The following STOX2 variants were observed in gnomAD, a reference collection of about 807,000 sequenced individuals.
STOX2 encodes the protein storkhead-box protein 2.
In STOX2, 28 loss-of-function variants were observed where a neutral mutation model predicts 60.9. The observed-to-expected ratio is 0.46, with a 90% confidence interval of 0.34 to 0.63. The LOEUF is 0.63. STOX2 is among the 30% of genes least tolerant of loss of function. STOX2 has a pLI of 0.01. For missense variants in STOX2, 1,024 were observed against 1,187.7 expected (o/e 0.86, Z 2.03); for synonymous variants, 472 against 463.9 (o/e 1.02, Z -0.22).
At chr4:183,873,908 C>G (rs994650667) in intron 1 of STOX2, among the ~76,000 whole-genome samples, 4 of 152,140 alleles carry the variant, frequency 2.6e-5, no homozygotes, top group Non-Finnish European at 5.9e-5. Flanking sequence ...GACTCTGAAA[C>G]GACACCTCCA....
chr4:183,941,641 G>T lies in STOX2; in HGVS notation c.166+34685G>T, dbSNP rs185901622. Among the ~76,000 whole-genome samples the T allele has an allele frequency of 5.1e-4, 78 of 152,250 alleles. 1 individual carries two copies. The East Asian group carries it at 0.015, about 29-fold the overall frequency. ...TGTATACCTAATAAGTATACTGGGGGTATGGCGATAGACAACATGGATACC... is the reference window on the plus strand; with the variant it reads ...TGTATACCTAATAAGTATACTGGGGTTATGGCGATAGACAACATGGATACC... On this transcript the variant is annotated intron_variant, in intron 1 of 3. Coordinates refer to ENST00000308497, the MANE Select transcript of STOX2 (RefSeq NM_020225.3).
rs1383807811 is a variant in STOX2 at position 184,011,574 on chromosome 4, A to T, written c.2585+151A>T. The T allele has an allele frequency of 1.3e-6, 2 of 1,542,418 alleles. No individual in the cohort carries two copies. The highest frequency in any genetic ancestry group is 3.9e-5 in the Admixed American group (2 of 50,986). ...TTGTATTGTTAACAATCTGTTTCTG[A>T]CTTCTTTTTCAGGAATTGAAAAAAA... On this transcript the variant is annotated intron_variant, in intron 3 of 3. Coordinates refer to ENST00000308497, the MANE Select transcript of STOX2 (RefSeq NM_020225.3). The surrounding 1 kb of genome is among the most constrained non-coding windows in gnomAD (Gnocchi z 4.4).
chr4:183,803,330 C>T (rs1438848153), intron 1 of STOX2, among the ~76,000 whole-genome samples: 1 of 152,044 alleles, frequency 6.6e-6, no homozygotes, highest in Non-Finnish European at 1.5e-5. Context: ...CCTGTCTCAG[C>T]CTCCTAAAGT....
chr4:183,827,214 T>C (rs1013646948), intron 1 of STOX2, among the ~76,000 whole-genome samples: 3 of 152,212 alleles, frequency 2.0e-5, no homozygotes, highest in Admixed American at 6.5e-5. Context: ...AGAAATGGAA[T>C]AGCATGGGTG....
chr4:183,847,582 C>G (rs1205392055), intron 1 of STOX2, among the ~76,000 whole-genome samples: 1 of 152,186 alleles, frequency 6.6e-6, no homozygotes, highest in Non-Finnish European at 1.5e-5. Flanking sequence ...GCTCTCCTTC[C>G]AGCACTAGGA....
chr4:184,005,042 C>T (rs551202547), intron 2 of STOX2, among the ~76,000 whole-genome samples: 3 of 152,324 alleles, frequency 2.0e-5, no homozygotes, highest in Admixed American at 6.5e-5. Context: ...CTTCAGCCAG[C>T]GTTCTTCACA....
chr4:183,946,113 G>A (rs146282005), intron 1 of STOX2, among the ~76,000 whole-genome samples: 2 of 152,288 alleles, frequency 1.3e-5, no homozygotes, highest in East Asian at 3.9e-4. Flanking sequence ...ATAAATACGA[G>A]ACGTCGGCTG....
intron 1 of STOX2, among the ~76,000 whole-genome samples, chr4:183,926,513 T>C (rs1328547771): frequency 6.6e-6 from 1 of 152,248 alleles, no homozygotes; most frequent in Non-Finnish European, 1.5e-5. Flanking sequence ...TGAACATTAC[T>C]AGCTAATTAA....
intron 1 of STOX2, among the ~76,000 whole-genome samples, chr4:183,943,433 A>T (rs1489050079): frequency 6.6e-6 from 1 of 152,204 alleles, no homozygotes; most frequent in East Asian, 1.9e-4. Flanking sequence ...AGAAACAAAA[A>T]TGAGTTAATT....
intron 1 of STOX2, among the ~76,000 whole-genome samples, chr4:183,983,060 A>T (rs1012234429): frequency 2.4e-4 from 36 of 152,148 alleles, no homozygotes; most frequent in Admixed American, 2.4e-3. Context: ...CCTCCAACCC[A>T]GCCATGCTGA....
chr4:183,872,244 C>T (rs746663102), intron 1 of STOX2, among the ~76,000 whole-genome samples: 7 of 152,034 alleles, frequency 4.6e-5, no homozygotes, highest in Non-Finnish European at 7.4e-5. Flanking sequence ...TTAGTAGAGA[C>T]GGGGTTTCAC....
chr4:183,849,083 C>G (rs751273785), intron 1 of STOX2, among the ~76,000 whole-genome samples: 5 of 152,156 alleles, frequency 3.3e-5, no homozygotes, highest in Non-Finnish European at 7.3e-5. Flanking sequence ...AAGCATCAAA[C>G]TAGAGATGGG....
At chr4:183,866,530 G>C (rs550305001) in intron 1 of STOX2, among the ~76,000 whole-genome samples, 1 of 152,076 alleles carries the variant, frequency 6.6e-6, no homozygotes, top group Non-Finnish European at 1.5e-5. Flanking sequence ...GGATGGTGGA[G>C]GGGGAGGGGC....
In STOX2 at chr4:184,001,444, G is replaced by A. The variant is rs1399966167; in HGVS notation, c.286G>A (p.Ala96Thr). 12 of 1,613,728 alleles carry A rather than the reference G, an allele frequency of 7.4e-6. No individual in the cohort carries two copies. The highest frequency in any genetic ancestry group is 1.3e-5 in the African/African-American group (1 of 74,868). ...NSARKPVTQEALMEHLTTCFP... is the reference protein window; with the variant it reads ...NSARKPVTQETLMEHLTTCFP... ...GGCAAGAAAGCCTGTCACCCAAGAA[G>A]CACTGATGGAGCACCTGACCACGTG... The change falls in exon 2 of 4, where the codon GCA becomes ACA. Residue 96 changes from alanine (A) to threonine (T), a missense_variant. Physicochemically the swap from Ala to Thr is moderately conservative, Grantham distance 58. Coordinates refer to ENST00000308497, the MANE Select transcript of STOX2 (RefSeq NM_020225.3). The surrounding 1 kb of genome is among the most constrained non-coding windows in gnomAD (Gnocchi z 4.2).
chr4:183,817,478 T>C (rs973999270), intron 1 of STOX2, among the ~76,000 whole-genome samples: 2 of 152,208 alleles, frequency 1.3e-5, no homozygotes, highest in African/African-American at 2.4e-5. Flanking sequence ...AAATTGTTTG[T>C]ACTTAAGAAA....
chr4:183,941,475 G>A (rs1324865856), intron 1 of STOX2, among the ~76,000 whole-genome samples: 1 of 152,176 alleles, frequency 6.6e-6, no homozygotes, highest in African/African-American at 2.4e-5. Flanking sequence ...GGCTGAGGCA[G>A]GAGAATCACT....
At position 183,905,835 on chromosome 4, in the gene STOX2, C is replaced by A. The variant is rs1741578941; in HGVS notation, c.-956C>A. ...GCTCGCGCCGGAGCAGCGCTGCCGC[C>A]GCGCGGGGGTCGATCGCAGGCTCGG... On this transcript the variant is annotated 5_prime_UTR_variant, in exon 1 of 4. Coordinates refer to ENST00000308497, the MANE Select transcript of STOX2 (RefSeq NM_020225.3). 6.6e-6 allele frequency: 1 copy of A among 152,324 alleles called. No individual in the cohort carries two copies. The highest frequency in any genetic ancestry group is 2.4e-5 in the African/African-American group (1 of 41,468). The allele number at this position is 152,324 out of a possible 1,614,324, so 9.4% of individuals were successfully genotyped here.
intron 2 of STOX2, among the ~76,000 whole-genome samples, chr4:184,005,895 C>T (rs1733803614): frequency 1.3e-5 from 2 of 152,152 alleles, no homozygotes; most frequent in South Asian, 4.1e-4. Context: ...TCAAATTAAA[C>T]ATTATTTGAT....
Position 183,830,309 on chromosome 4 carries a change from G to A in STOX2, c.364+32254G>A, listed in dbSNP as rs924005943. Among the ~76,000 whole-genome samples the A allele has an allele frequency of 2.2e-4, 33 of 152,322 alleles. 3 individuals are homozygous for A. Among genetic ancestry groups the A allele is most frequent in the Admixed American group, 1.6e-3 (24 of 15,300 alleles). On this transcript the variant is annotated intron_variant, in intron 1 of 2. Transcript: ENST00000513034. The stretch of plus-strand genomic sequence containing the variant: ...AAAAGAATTCCCCCTCATTGGCCAA[G>A]TGCAAGCACATGGGGTTTTTACACT...
Sources: gnomAD v4.1 joint callset for allele counts (sites outside exome capture counted in the v4.1 genomes callset) on GRCh38, gnomAD v4.1.1 for gene constraint, Gnocchi (gnomAD v3.1) non-coding constraint, MANE v1.5 for transcripts, NCBI Gene and HGNC (gene_info 2026-07-23, HGNC 2026-07-21) for gene names.